The following TBC1D22A variants were observed in gnomAD, a reference collection of about 807,000 sequenced individuals.
TBC1D22A encodes the protein putative GTPase activator.
TBC1D22A carries 38 observed loss-of-function variants against 60.2 expected under a neutral mutation model. That is an observed-to-expected ratio of 0.63 (90% CI 0.49 to 0.83). The LOEUF (loss-of-function observed/expected upper bound fraction) is 0.83. TBC1D22A is among the 40% of genes least tolerant of loss of function. The pLI, the probability that TBC1D22A is intolerant of heterozygous loss-of-function variation, is 0.00. For synonymous variants in TBC1D22A, 302 were observed against 281.7 expected (o/e 1.07, Z -0.72); for missense variants, 628 against 701.0 (o/e 0.90, Z 1.18).
chr22:46,924,763 A>G (rs2070954958), intron 8 of TBC1D22A, among the ~76,000 whole-genome samples: 1 of 151,898 alleles, frequency 6.6e-6, no homozygotes, highest in Admixed American at 6.6e-5. Context: ...AAACAAAAAC[A>G]AAAACATTAT....
intron 6 of TBC1D22A, among the ~76,000 whole-genome samples, chr22:46,893,680 C>T (rs906604394): frequency 3.9e-5 from 6 of 152,230 alleles, no homozygotes; most frequent in African/African-American, 9.6e-5. Context: ...GGGCCCTTGT[C>T]CCTGCTGGCA....
chr22:46,779,349 G>A (rs2083839062), intron 1 of TBC1D22A, among the ~76,000 whole-genome samples: 2 of 151,786 alleles, frequency 1.3e-5, no homozygotes, highest in African/African-American at 4.9e-5. Flanking sequence ...GTTATGTGGT[G>A]CGTGGCTTGA....
chr22:47,020,365 G>A (rs968872966), intron 10 of TBC1D22A, among the ~76,000 whole-genome samples: 1 of 152,120 alleles, frequency 6.6e-6, no homozygotes, highest in Non-Finnish European at 1.5e-5. Flanking sequence ...ACTCTATCCG[G>A]GGAAGCTCTG....
intron 8 of TBC1D22A, among the ~76,000 whole-genome samples, chr22:46,952,644 G>A (rs962696398): frequency 1.3e-5 from 2 of 152,146 alleles, no homozygotes; most frequent in Non-Finnish European, 2.9e-5. Context: ...CCAGCTCCTT[G>A]AAGATGCTGG....
At chr22:46,800,262 C>T (rs536420979) in intron 4 of TBC1D22A, among the ~76,000 whole-genome samples, 3 of 152,276 alleles carry the variant, frequency 2.0e-5, no homozygotes, top group Admixed American at 1.3e-4. Flanking sequence ...CACAGAGCAT[C>T]CCTAGCCATG....
intron 8 of TBC1D22A, among the ~76,000 whole-genome samples, chr22:46,932,584 C>T (rs537316458): frequency 6.6e-6 from 1 of 152,132 alleles, no homozygotes; most frequent in Non-Finnish European, 1.5e-5. Context: ...GTGTCTTCTC[C>T]TCCCCATGGT....
chr22:46,975,022 T>G (rs767603372), intron 9 of TBC1D22A, among the ~76,000 whole-genome samples: 9 of 152,170 alleles, frequency 5.9e-5, no homozygotes, highest in Non-Finnish European at 8.8e-5. Flanking sequence ...TAGGGGCAGA[T>G]TCCCACACAG....
intron 4 of TBC1D22A, among the ~76,000 whole-genome samples, chr22:46,806,514 T>C (rs182658637): frequency 6.7e-6 from 1 of 149,636 alleles, no homozygotes; most frequent in Non-Finnish European, 1.5e-5. Context: ...TTATTAAAAA[T>C]TTTTAAATTT....
In TBC1D22A at chr22:47,078,573, A is replaced by G. The variant is rs73473651; in HGVS notation, c.1330-32935A>G. ...GTAACGCGCTTAGCACAGTTGTGGC[A>G]CGCAGTGCCGTGTCACAGGCCAGAG... On this transcript the variant is annotated intron_variant, in intron 11 of 12. Coordinates refer to ENST00000337137, the MANE Select transcript of TBC1D22A (RefSeq NM_014346.5). Among the ~76,000 whole-genome samples, 1,381 of 152,166 alleles carry G rather than the reference A, an allele frequency of 9.1e-3. 15 individuals carry two copies. The highest frequency in any genetic ancestry group is 0.032 in the African/African-American group (1,317 of 41,512).
At chr22:46,890,068 C>T (rs1034474328) in intron 5 of TBC1D22A, among the ~76,000 whole-genome samples, 23 of 152,136 alleles carry the variant, frequency 1.5e-4, no homozygotes, top group Admixed American at 1.2e-3. Context: ...AAAAAAAGGC[C>T]GGCACGGTGG....
chr22:46,780,092 A>T (rs182543199), intron 1 of TBC1D22A, among the ~76,000 whole-genome samples: 110 of 152,354 alleles, frequency 7.2e-4, no homozygotes, highest in African/African-American at 2.5e-3. Context: ...ATATTTTATA[A>T]ATCTGGGGAG....
chr22:46,801,355 A>G (rs2084888218), intron 4 of TBC1D22A, among the ~76,000 whole-genome samples: 1 of 152,232 alleles, frequency 6.6e-6, no homozygotes, highest in Admixed American at 6.5e-5. Context: ...AATGTTGGAG[A>G]AGCAAATCAC....
rs1350082813 is a variant in TBC1D22A at position 47,076,323 on chromosome 22, G to GTA, written c.1330-35181_1330-35180dup. ...CAAATTGGGACTGATGTATATATAT[G>GTA]TATATGTGTGTGTGTGTGTATATAT... On this transcript the variant is annotated intron_variant, in intron 11 of 12. Transcript: ENST00000337137. Among the ~76,000 whole-genome samples the GTA allele has an allele frequency of 2.8e-4, 37 of 130,474 alleles. 1 individual carries two copies. The highest frequency in any genetic ancestry group is 5.7e-4 in the Non-Finnish European group (35 of 60,998). 85.6% of individuals were successfully genotyped at this position (130,474 alleles called of 152,430 possible).
intron 11 of TBC1D22A, among the ~76,000 whole-genome samples, chr22:47,059,800 A>G (rs553756826): frequency 6.6e-6 from 1 of 152,316 alleles, no homozygotes; most frequent in South Asian, 2.1e-4. Flanking sequence ...CGGTAACAGC[A>G]GGGATCTTAT....
chr22:47,032,657 G>T (rs973902632), intron 10 of TBC1D22A, among the ~76,000 whole-genome samples: 2 of 152,256 alleles, frequency 1.3e-5, no homozygotes, highest in African/African-American at 2.4e-5. Flanking sequence ...CTGGGGCCCT[G>T]CCCTGGCAGC....
chr22:46,941,106 CAT>C (rs200434964), intron 8 of TBC1D22A, among the ~76,000 whole-genome samples: 2 of 45,608 alleles, frequency 4.4e-5, no homozygotes, highest in African/African-American at 9.5e-5. Context: ...GGGGCACTAG[CAT>C]ACACACACAC....
At chr22:46,896,564 G>T (rs753098013) in intron 7 of TBC1D22A, among the ~76,000 whole-genome samples, 1 of 152,170 alleles carries the variant, frequency 6.6e-6, no homozygotes, top group Non-Finnish European at 1.5e-5. Context: ...GACAGTGGCA[G>T]TCCCCATACT....
At chr22:47,088,901 A>G (rs567094839) in intron 11 of TBC1D22A, among the ~76,000 whole-genome samples, 4 of 152,150 alleles carry the variant, frequency 2.6e-5, no homozygotes, top group Non-Finnish European at 5.9e-5. Flanking sequence ...ACACACACAG[A>G]TCCCATCTGC....
chr22:47,005,637 T>TAC (rs373781281), intron 10 of TBC1D22A, among the ~76,000 whole-genome samples: 36 of 147,212 alleles, frequency 2.4e-4, no homozygotes, highest in South Asian at 4.3e-4. Context: ...AACATGCCTG[T>TAC]ACACACACAC....
Sources: allele counts gnomAD v4.1 joint callset (sites outside exome capture counted in the v4.1 genomes callset), GRCh38; gene constraint gnomAD v4.1.1; transcripts MANE v1.5; gene names NCBI Gene and HGNC (gene_info 2026-07-23, HGNC 2026-07-21).